ADCY2: variants seen among roughly 807,000 people sequenced by gnomAD.
ADCY2 encodes the protein adenylate cyclase 2.
A neutral mutation model predicts 125.2 loss-of-function variants in ADCY2; 31 were observed. The observed-to-expected ratio is 0.25, with a 90% confidence interval of 0.19 to 0.33. The LOEUF is 0.33. Ranked by LOEUF, ADCY2 falls within the 10% of genes least tolerant of loss-of-function variation. The pLI is 1.00. For synonymous variants in ADCY2, 512 were observed against 548.4 expected, an observed-to-expected ratio of 0.93 and a Z score of 0.93; for missense variants, 904 against 1,418.2, an observed-to-expected ratio of 0.64 and a Z score of 5.82.
At chr5:7,401,144 A>G (rs2111437962) in intron 1 of ADCY2, among the ~76,000 whole-genome samples, 1 of 152,274 alleles carries the variant, frequency 6.6e-6, no homozygotes, top group South Asian at 2.1e-4. Flanking sequence ...TGATGTCCTC[A>G]ATTAGTACAT....
At chr5:7,442,717 G>A (rs1198575616) in intron 2 of ADCY2, among the ~76,000 whole-genome samples, 1 of 152,110 alleles carries the variant, frequency 6.6e-6, no homozygotes, top group African/African-American at 2.4e-5. Context: ...TTTCACTTAT[G>A]AGTAGGGCTA....
In ADCY2 at chr5:7,829,542, T is replaced by C. The variant is rs1031463226; in HGVS notation, c.*2671T>C. On this transcript the variant is annotated 3_prime_UTR_variant, in exon 25 of 25. Coordinates refer to ENST00000338316, the MANE Select transcript of ADCY2 (RefSeq NM_020546.3). ...CTCATCAGCCCAGGTCCCAGTGCCA[T>C]TGGCTTCAAGAAAAAAAAAAAATCT... is the stretch of plus-strand genomic sequence containing the variant. 2.7e-5 allele frequency: 3 copies of C among 111,926 alleles called. No individual in the cohort carries two copies. The highest frequency in any genetic ancestry group is 1.1e-4 in the African/African-American group (3 of 26,418). 6.9% of individuals were successfully genotyped at this position (111,926 alleles called of 1,614,324 possible).
At chr5:7,722,429 A>G in intron 12 of ADCY2, among the ~76,000 whole-genome samples, 1 of 152,302 alleles carries the variant, frequency 6.6e-6, no homozygotes, top group South Asian at 2.1e-4. Flanking sequence ...TTAGTAAGTT[A>G]CCTGCATATA....
chr5:7,459,023 T>C (rs1741813281), intron 2 of ADCY2, among the ~76,000 whole-genome samples: 1 of 152,014 alleles, frequency 6.6e-6, no homozygotes, highest in Non-Finnish European at 1.5e-5. Context: ...TGAAGATGCG[T>C]TTTTCACTCA....
At chr5:7,776,003 C>T (rs985700248) in intron 18 of ADCY2, among the ~76,000 whole-genome samples, 3 of 152,156 alleles carry the variant, frequency 2.0e-5, no homozygotes, top group Non-Finnish European at 4.4e-5. Flanking sequence ...CCCGATTTCT[C>T]CAGCCTCATT....
chr5:7,410,759 G>A (rs1739676870), intron 1 of ADCY2, among the ~76,000 whole-genome samples: 1 of 152,000 alleles, frequency 6.6e-6, no homozygotes, highest in South Asian at 2.1e-4. Context: ...AGGGAGGAGG[G>A]GTGAGGATAC....
chr5:7,645,358 G>A (rs572706250), intron 4 of ADCY2, among the ~76,000 whole-genome samples: 46 of 152,258 alleles, frequency 3.0e-4, no homozygotes, highest in African/African-American at 9.1e-4. Flanking sequence ...TAATAAAAGC[G>A]GAGCCGGCAT....
At chr5:7,436,837 A>G (rs1740823082) in intron 2 of ADCY2, among the ~76,000 whole-genome samples, 1 of 152,204 alleles carries the variant, frequency 6.6e-6, no homozygotes, top group South Asian at 2.1e-4. Flanking sequence ...TGATCCAGAT[A>G]AAACCACTGC....
intron 3 of ADCY2, among the ~76,000 whole-genome samples, chr5:7,536,974 T>A (rs867105865): frequency 6.6e-6 from 1 of 152,202 alleles, no homozygotes; most frequent in South Asian, 2.1e-4. Flanking sequence ...CTAATCAAAA[T>A]TTGACTTAAA....
At chr5:7,706,350 C>T (rs533006384) in intron 7 of ADCY2, among the ~76,000 whole-genome samples, 8 of 152,314 alleles carry the variant, frequency 5.3e-5, no homozygotes, top group African/African-American at 1.7e-4. Context: ...GTACATTGTG[C>T]TAAGAACTAA....
chr5:7,527,495 G>A (rs949445634), intron 3 of ADCY2, among the ~76,000 whole-genome samples: 3 of 151,860 alleles, frequency 2.0e-5, no homozygotes, highest in East Asian at 1.9e-4. Flanking sequence ...CTGAATTTTC[G>A]TTTCATATAT....
intron 2 of ADCY2, among the ~76,000 whole-genome samples, chr5:7,428,315 A>G (rs1740463165): frequency 6.6e-6 from 1 of 152,238 alleles, no homozygotes; most frequent in Non-Finnish European, 1.5e-5. Flanking sequence ...TAGAGGAAAC[A>G]AGGCATAATT....
intron 3 of ADCY2, among the ~76,000 whole-genome samples, chr5:7,622,334 G>A (rs1157271773): frequency 6.6e-6 from 1 of 152,068 alleles, no homozygotes; most frequent in Non-Finnish European, 1.5e-5. Flanking sequence ...AAATGCCAAG[G>A]TCAATTCAAT....
At chr5:7,733,016 A>G (rs1742150188) in intron 14 of ADCY2, among the ~76,000 whole-genome samples, 2 of 152,370 alleles carry the variant, frequency 1.3e-5, no homozygotes, top group South Asian at 2.1e-4. Context: ...ATGATCAAGC[A>G]TGAATTGCTT....
At chr5:7,680,548 G>T (rs973451535) in intron 4 of ADCY2, among the ~76,000 whole-genome samples, 12 of 152,310 alleles carry the variant, frequency 7.9e-5, no homozygotes, top group African/African-American at 2.9e-4. Flanking sequence ...GAGTACATCT[G>T]ACTGACCAGG....
At chr5:7,761,374 T>A (rs973855174) in intron 16 of ADCY2, among the ~76,000 whole-genome samples, 3 of 152,092 alleles carry the variant, frequency 2.0e-5, no homozygotes, top group Non-Finnish European at 4.4e-5. Flanking sequence ...GGTCTTGAAC[T>A]CCTTACCGCG....
At chr5:7,399,945 A>AT (rs1377174150) in intron 1 of ADCY2, among the ~76,000 whole-genome samples, 3 of 151,624 alleles carry the variant, frequency 2.0e-5, no homozygotes, top group Non-Finnish European at 4.4e-5. Flanking sequence ...TCTTTTTCTC[A>AT]TTTTTTTCTC....
intron 4 of ADCY2, among the ~76,000 whole-genome samples, chr5:7,656,901 A>G (rs982772885): frequency 6.6e-6 from 1 of 152,230 alleles, no homozygotes; most frequent in African/African-American, 2.4e-5. Flanking sequence ...GAAAATCCAG[A>G]ATCTGAAATG....
Position 7,396,517 on chromosome 5 carries a change from TC to T in ADCY2, c.210+15del. 3 of 1,552,238 alleles carry T rather than the reference TC, an allele frequency of 1.9e-6. No homozygotes were observed. The highest frequency in any genetic ancestry group is 5.3e-5 in the East Asian group (2 of 38,042). On this transcript the variant is annotated intron_variant, in intron 1 of 24. Transcript: ENST00000338316. This position sits in a 1 kb window ranked among gnomAD's most constrained non-coding sequence, Gnocchi z 5.7. ...TTCGCGCTCGGGCTGGTGAGTGGCC[TC>T]CCCGCGGGTCCAGCGCCGCGCCTTC...
Sources: allele counts gnomAD v4.1 joint callset (sites outside exome capture counted in the v4.1 genomes callset), GRCh38; gene constraint gnomAD v4.1.1; non-coding constraint Gnocchi (gnomAD v3.1); transcripts MANE v1.5; gene names NCBI Gene and HGNC (gene_info 2026-07-23, HGNC 2026-07-21).